The following EFCAB11 variants were observed in gnomAD, a reference collection of about 807,000 sequenced individuals.
EFCAB11 encodes the protein EF-hand calcium-binding domain-containing protein 11.
A neutral mutation model predicts 23.0 loss-of-function variants in EFCAB11; 14 were observed. The observed-to-expected ratio is 0.61, with a 90% CI of 0.40 to 0.95. The LOEUF (loss-of-function observed/expected upper bound fraction) is 0.95, where lower values mean the gene tolerates loss of function less well. Among genes scored for constraint, EFCAB11 ranks in the 40% least tolerant of loss-of-function variants. The pLI is 0.00. For synonymous variants in EFCAB11, 65 were observed against 66.6 expected (o/e 0.98, Z 0.11); for missense variants, 198 against 195.8 (o/e 1.01, Z -0.07).
At position 89,834,190 on chromosome 14, in the gene EFCAB11, C is replaced by T. The variant is rs550929469; in HGVS notation, c.411-36866G>A. Among the ~76,000 whole-genome samples, 10 of 147,118 alleles carry T rather than the reference C, an allele frequency of 6.8e-5. No homozygotes were observed. The East Asian group carries it at 1.8e-3, about 26-fold the overall frequency. ...AGGAGATAGAAACCATCCTGGCCGA[C>T]GTGGTGAAACTCCGTCTCTACTAAA... On this transcript the variant is annotated intron_variant, in intron 5 of 5. Coordinates refer to ENST00000316738, the MANE Select transcript of EFCAB11 (RefSeq NM_145231.4).
intron 5 of EFCAB11, among the ~76,000 whole-genome samples, chr14:89,908,426 A>G (rs1354255398): frequency 1.3e-5 from 2 of 152,218 alleles, no homozygotes; most frequent in Non-Finnish European, 2.9e-5. Context: ...CTGAGTACCA[A>G]TATTACACCA....
chr14:89,816,664 T>C (rs1886347902), intron 5 of EFCAB11, among the ~76,000 whole-genome samples: 1 of 152,138 alleles, frequency 6.6e-6, no homozygotes, highest in Admixed American at 6.5e-5. Flanking sequence ...AAAACAGAGA[T>C]ACTCTTTATT....
intron 5 of EFCAB11, chr14:89,924,027 C>T (rs1013328406): frequency 2.0e-6 from 2 of 985,362 alleles, no homozygotes; most frequent in African/African-American, 1.7e-5. Flanking sequence ...ACAGTCCTTA[C>T]CCCTATAATG....
At chr14:89,903,742 C>T (rs1347002291) in intron 5 of EFCAB11, among the ~76,000 whole-genome samples, 1 of 152,126 alleles carries the variant, frequency 6.6e-6, no homozygotes, top group African/African-American at 2.4e-5. Context: ...TGAATAACCA[C>T]AATTTATTAT....
intron 5 of EFCAB11, among the ~76,000 whole-genome samples, chr14:89,842,251 C>G (rs954532149): frequency 2.0e-5 from 3 of 152,210 alleles, no homozygotes; most frequent in Non-Finnish European, 4.4e-5. Context: ...TGGGTCTCCC[C>G]TGCCTCTAGA....
chr14:89,845,127 T>G (rs2099455233), intron 5 of EFCAB11, among the ~76,000 whole-genome samples: 1 of 152,236 alleles, frequency 6.6e-6, no homozygotes. Flanking sequence ...AGTCTTCATT[T>G]GGTTAATAAA....
rs1012580366 is a variant in EFCAB11 at position 89,930,727 on chromosome 14, T to C, written c.410+814A>G. On this transcript the variant is annotated intron_variant, in intron 5 of 5. Transcript: ENST00000316738. ...TCCTTCCCGACTGTGTGGTCAACAT[T>C]CGCCCCTGGTTTGCCTATGTTTATA... Among the ~76,000 whole-genome samples, 9 of 152,288 alleles carry C rather than the reference T, an allele frequency of 5.9e-5. 1 individual carries two copies. Among genetic ancestry groups the C allele is most frequent in the Admixed American group, 3.9e-4 (6 of 15,292 alleles).
At chr14:89,930,167 C>G (rs1448537898) in intron 5 of EFCAB11, among the ~76,000 whole-genome samples, 1 of 152,252 alleles carries the variant, frequency 6.6e-6, no homozygotes, top group Admixed American at 6.5e-5. Context: ...CTTCTTTGCT[C>G]TTCTTCAATA....
At chr14:89,953,775 G>A in intron 2 of EFCAB11, 131 bp downstream of exon 2, 1 of 671,716 alleles carries the variant, frequency 1.5e-6, no homozygotes, top group South Asian at 2.0e-5. Flanking sequence ...CTAAAATTCA[G>A]CACTGGACAC....
intron 5 of EFCAB11, among the ~76,000 whole-genome samples, chr14:89,823,102 T>G (rs1886578406): frequency 6.6e-6 from 1 of 152,110 alleles, no homozygotes; most frequent in African/African-American, 2.4e-5. Context: ...GGGACTAATC[T>G]AAACCTGTGA....
intron 5 of EFCAB11, among the ~76,000 whole-genome samples, chr14:89,926,268 C>T (rs1890191376): frequency 6.6e-6 from 1 of 152,272 alleles, no homozygotes; most frequent in South Asian, 2.1e-4. Context: ...TTGTTCCTCA[C>T]AACTTTTCTC....
chr14:89,905,822 AC>A (rs1178409925), intron 5 of EFCAB11, among the ~76,000 whole-genome samples: 3 of 152,196 alleles, frequency 2.0e-5, no homozygotes, highest in Admixed American at 1.3e-4. Flanking sequence ...CAGCAGAAAG[AC>A]ACTGAATGAG....
At chr14:89,946,926 T>C (rs957791425) in intron 3 of EFCAB11, among the ~76,000 whole-genome samples, 1 of 152,104 alleles carries the variant, frequency 6.6e-6, no homozygotes, top group African/African-American at 2.4e-5. Context: ...GTCTTTTTTT[T>C]CCCTAGATAC....
chr14:89,902,440 G>C (rs1458304436), intron 5 of EFCAB11, among the ~76,000 whole-genome samples: 3 of 152,180 alleles, frequency 2.0e-5, no homozygotes, highest in African/African-American at 7.2e-5. Context: ...CTTGTTTGCT[G>C]TGTTGGTGGC....
chr14:89,891,982 G>A (rs1193628943), intron 5 of EFCAB11: 1 of 1,478,110 alleles, frequency 6.8e-7, no homozygotes, highest in African/African-American at 1.4e-5. Flanking sequence ...CGCGGGTCAA[G>A]CTGCAGCTCT....
chr14:89,896,762 C>G (rs1001640503), intron 5 of EFCAB11, among the ~76,000 whole-genome samples: 8 of 152,172 alleles, frequency 5.3e-5, no homozygotes, highest in African/African-American at 1.9e-4. Flanking sequence ...ACGAGCATAG[C>G]TCACTGAAGC....
At chr14:89,880,517 C>A (rs1192655798) in intron 5 of EFCAB11, among the ~76,000 whole-genome samples, 1 of 152,170 alleles carries the variant, frequency 6.6e-6, no homozygotes, top group Non-Finnish European at 1.5e-5. Flanking sequence ...TTAAAAGAGT[C>A]TTAAGAATAT....
At chr14:89,891,056 GA>G (rs1350769567) in intron 5 of EFCAB11, among the ~76,000 whole-genome samples, 1 of 152,184 alleles carries the variant, frequency 6.6e-6, no homozygotes, top group Non-Finnish European at 1.5e-5. Context: ...TACCTTGAGT[GA>G]ATACAGAAAC....
chr14:89,915,628 C>T, intron 5 of EFCAB11, among the ~76,000 whole-genome samples: 1 of 152,180 alleles, frequency 6.6e-6, no homozygotes, highest in East Asian at 1.9e-4. Context: ...TAATAATCCA[C>T]TCTGGCTTTT....
Sources: allele counts gnomAD v4.1 joint callset (sites outside exome capture counted in the v4.1 genomes callset), GRCh38; gene constraint gnomAD v4.1.1; transcripts MANE v1.5; gene names NCBI Gene and HGNC (gene_info 2026-07-23, HGNC 2026-07-21).